UBXN2A: variants seen among roughly 807,000 people sequenced by gnomAD.
UBXN2A encodes UBX domain-containing protein 2A.
Under a neutral mutation model 28.4 loss-of-function variants are expected in UBXN2A, and 28 were observed. That is an observed-to-expected ratio of 0.99 (90% CI 0.73 to 1.35). The LOEUF is 1.35. UBXN2A is among the 40% of genes most tolerant of loss of function. UBXN2A has a pLI of 0.00. For synonymous variants in UBXN2A, 97 were observed against 103.6 expected (o/e 0.94, Z 0.39); for missense variants, 253 against 297.9 (o/e 0.85, Z 1.11).
chr2:23,957,258 CAACTTCCTGAGT>C (rs1312912227), intron 1 of UBXN2A, among the ~76,000 whole-genome samples: 1 of 151,856 alleles, frequency 6.6e-6, no homozygotes, highest in Non-Finnish European at 1.5e-5. Context: ...CTCAGCACCT[CAACTTCCTGAGT>C]AGCTGGAACC....
chr2:23,935,051 A>C (rs1306813374), intron 1 of UBXN2A, among the ~76,000 whole-genome samples: 1 of 152,124 alleles, frequency 6.6e-6, no homozygotes, highest in East Asian at 1.9e-4. Flanking sequence ...CTCCAGCCCA[A>C]GCAACAAAGC....
chr2:23,936,544 TC>T (rs1705533067), upstream of UBXN2A, among the ~76,000 whole-genome samples: 1 of 133,144 alleles, frequency 7.5e-6, no homozygotes, highest in African/African-American at 2.8e-5. Context: ...AAATCCTACC[TC>T]AAAAAAAAAA....
At chr2:23,944,893 A>G (rs1705980503) in intron 1 of UBXN2A, among the ~76,000 whole-genome samples, 1 of 152,192 alleles carries the variant, frequency 6.6e-6, no homozygotes, top group Non-Finnish European at 1.5e-5. Flanking sequence ...AAAGAGGACT[A>G]GTTAGTTCTT....
intron 2 of UBXN2A, among the ~76,000 whole-genome samples, chr2:23,966,152 T>C (rs1707151744): frequency 6.6e-6 from 1 of 152,132 alleles, no homozygotes; most frequent in Admixed American, 6.6e-5. Flanking sequence ...TTCTTTTTTT[T>C]TTTTAAAGAC....
chr2:23,941,751 C>T (rs1186506162), intron 1 of UBXN2A, among the ~76,000 whole-genome samples: 9 of 152,262 alleles, frequency 5.9e-5, no homozygotes, highest in Middle Eastern at 3.4e-3. Flanking sequence ...TTAGACTCTA[C>T]AGTGTCATTG....
intron 1 of UBXN2A, among the ~76,000 whole-genome samples, chr2:23,952,428 T>C (rs1706418881): frequency 6.6e-6 from 1 of 152,110 alleles, no homozygotes; most frequent in South Asian, 2.1e-4. Context: ...CGTGCCGGGC[T>C]AATTTATTTT....
At chr2:23,928,193 G>A (rs1705178748) in intron 1 of UBXN2A, among the ~76,000 whole-genome samples, 1 of 141,216 alleles carries the variant, frequency 7.1e-6, no homozygotes. Context: ...AAAAAAAGAA[G>A]AAAGAGAGAG....
At chr2:23,935,187 T>C (rs1209889341) in intron 1 of UBXN2A, among the ~76,000 whole-genome samples, 1 of 152,164 alleles carries the variant, frequency 6.6e-6, no homozygotes, top group Non-Finnish European at 1.5e-5. Flanking sequence ...AATAGTTTCT[T>C]GGATATGACA....
Position 24,002,925 on chromosome 2 carries a change from A to T in UBXN2A, c.*3058A>T, listed in dbSNP as rs1708748497. The T allele has an allele frequency of 6.6e-6, 1 of 152,130 alleles. No individual in the cohort carries two copies. The highest frequency in any genetic ancestry group is 6.5e-5 in the Admixed American group (1 of 15,282). The allele number at this position is 152,130 out of a possible 1,614,324, so 9.4% of individuals were successfully genotyped here. A position where few individuals can be genotyped will look rare whatever the true frequency, so the allele number is the denominator to read the frequency against. ...TAATGCCTTAGTATGATTATGAAAA[A>T]CGTTTTGACTTCACAGTGCCCTGAA... On this transcript the variant is annotated 3_prime_UTR_variant, in exon 7 of 7. Transcript: ENST00000309033.
At chr2:23,990,220 A>C (rs1008760286) in intron 6 of UBXN2A, among the ~76,000 whole-genome samples, 9 of 151,486 alleles carry the variant, frequency 5.9e-5, no homozygotes, top group Non-Finnish European at 8.8e-5. Context: ...TGAGGACTCT[A>C]TGCCAGTGAC....
rs973397764 is a variant in UBXN2A, at chr2:23,955,483, T to C, written c.-14-2818T>C. ...CTTTCAATAAGGAGTTTAAACATTT[T>C]AAATCTTGTATATATAATCCTGTGT... is the stretch of plus-strand genomic sequence containing the variant. On this transcript the variant is annotated intron_variant, in intron 1 of 6. Transcript: ENST00000309033. Among the ~76,000 whole-genome samples the C allele has an allele frequency of 3.9e-5, 6 of 152,214 alleles. No homozygotes were observed. The South Asian group carries it at 1.2e-3, about 32-fold the overall frequency.
intron 2 of UBXN2A, among the ~76,000 whole-genome samples, chr2:23,958,561 T>A (rs1021347634): frequency 6.6e-6 from 1 of 152,240 alleles, no homozygotes; most frequent in Non-Finnish European, 1.5e-5. Context: ...TTATTAATTT[T>A]AAAAAGTTAA....
At chr2:23,979,154 C>T (rs1707794706) in intron 4 of UBXN2A, among the ~76,000 whole-genome samples, 1 of 151,966 alleles carries the variant, frequency 6.6e-6, no homozygotes, top group Non-Finnish European at 1.5e-5. Context: ...ACCATCCTGG[C>T]CAACATGGGA....
At chr2:23,962,150 A>G (rs902320944) in intron 2 of UBXN2A, among the ~76,000 whole-genome samples, 3 of 152,046 alleles carry the variant, frequency 2.0e-5, no homozygotes, top group Middle Eastern at 3.2e-3. Flanking sequence ...CCAGCCAAAA[A>G]CTGCTTTTCT....
intron 1 of UBXN2A, among the ~76,000 whole-genome samples, chr2:23,942,959 A>G (rs866454702): frequency 3.0e-4 from 46 of 151,846 alleles, no homozygotes; most frequent in African/African-American, 1.1e-3. Context: ...AAGTCTTACT[A>G]CAAACAACTT....
chr2:23,970,481 A>ATAC (rs1707369325), intron 2 of UBXN2A, among the ~76,000 whole-genome samples: 1 of 152,092 alleles, frequency 6.6e-6, no homozygotes, highest in African/African-American at 2.4e-5. Flanking sequence ...AAGGCCAAGG[A>ATAC]TACTGTTTAA....
At position 23,976,778 on chromosome 2, in the gene UBXN2A, G is replaced by A. The variant is rs78010873; in HGVS notation, c.181-191G>A. On this transcript the variant is annotated intron_variant, in intron 3 of 6. Coordinates refer to ENST00000309033, the MANE Select transcript of UBXN2A (RefSeq NM_181713.4). ...TGATTTTTTGTGGAAACTGGGTCTC[G>A]CTATGTTGCCAGGGCTGGTCTCCAA... 9.5e-3 allele frequency among the ~76,000 whole-genome samples: 1,448 copies of A among 152,172 alleles called. 21 individuals carry two copies. The highest frequency in any genetic ancestry group is 0.032 in the African/African-American group (1,325 of 41,494).
intron 1 of UBXN2A, among the ~76,000 whole-genome samples, chr2:23,951,460 A>G (rs964742897): frequency 2.2e-5 from 2 of 89,954 alleles, no homozygotes; most frequent in African/African-American, 4.0e-5. Context: ...ATATATATAT[A>G]TATAGTTTTG....
At position 24,003,596 on chromosome 2, in the gene UBXN2A, G is replaced by A. The variant is rs1708754495; in HGVS notation, c.*3729G>A. 1 of 151,998 alleles carries A rather than the reference G, an allele frequency of 6.6e-6. No homozygotes were observed. Among genetic ancestry groups the A allele is most frequent in the Admixed American group, 6.6e-5 (1 of 15,232 alleles). The allele number at this position is 151,998 out of a possible 1,614,324, so 9.4% of individuals were successfully genotyped here. On this transcript the variant is annotated 3_prime_UTR_variant, in exon 7 of 7. Coordinates refer to ENST00000309033, the MANE Select transcript of UBXN2A (RefSeq NM_181713.4). ...AGGAAGAGAGGGAGGACAAAGGAGA[G>A]CCTTTTCTTTTGTCCATTACTCTTA...
Sources: gnomAD v4.1 joint callset for allele counts (sites outside exome capture counted in the v4.1 genomes callset) on GRCh38, gnomAD v4.1.1 for gene constraint, MANE v1.5 for transcripts, NCBI Gene and HGNC (gene_info 2026-07-23, HGNC 2026-07-21) for gene names.